Variants in LTA observed in about 807,000 individuals in gnomAD.
The protein encoded by LTA is lymphotoxin-alpha.
LTA carries 6 observed loss-of-function variants against 15.1 expected under a neutral mutation model. The ratio of observed to expected loss-of-function variants is 0.40; its 90% CI spans 0.22 to 0.78. The LOEUF is 0.78. Ranked by LOEUF, LTA falls within the 30% of genes least tolerant of loss-of-function variation. LTA has a pLI of 0.38. For missense variants in LTA, 173 were observed against 249.5 expected (o/e 0.69, Z 2.06); for synonymous variants, 87 against 107.3 (o/e 0.81, Z 1.17).
intron 1 of LTA, 89 bp from the exon 2 acceptor site, chr6:31,572,645 G>GTATCATTAAAAAA: frequency 1.2e-6 from 1 of 845,014 alleles, no homozygotes; most frequent in Non-Finnish European, 1.9e-6. Flanking sequence ...GGGGGTCGGG[G>GTATCATTAAAAAA]GGTGCTCTCT....
In LTA at chr6:31,573,591, G is replaced by A. The variant is rs368380570; in HGVS notation, c.516G>A (p.Ala172=). The change falls in exon 4 of 4, where the codon GCG becomes GCA. Residue 172 remains alanine, a synonymous_variant. Coordinates refer to ENST00000418386, the MANE Select transcript of LTA (RefSeq NM_000595.4). ...PWLHSMYHGA[A]FQLTQGDQLS... ...TGCACTCGATGTACCACGGGGCTGC[G>A]TTCCAGCTCACCCAGGGAGACCAGC... The A allele has an allele frequency of 1.2e-5, 19 of 1,613,990 alleles. No individual in the cohort carries two copies. The highest frequency in any genetic ancestry group is 2.2e-5 in the East Asian group (1 of 44,896).
chr6:31,566,309 A>G, the LTA span, among the ~76,000 whole-genome samples: 2 of 151,846 alleles, frequency 1.3e-5, no homozygotes, highest in Non-Finnish European at 2.9e-5. Context: ...GTGCCATTGC[A>G]CTCCAACCTG....
the LTA span, among the ~76,000 whole-genome samples, chr6:31,562,797 G>T: frequency 0.64 from 93,832 of 146,134 alleles, 30,394 homozygotes; most frequent in African/African-American, 0.74. Flanking sequence ...GAGGCAGAGG[G>T]TGCAGTGAGC....
chr6:31,568,460 C>T (rs1770686026), upstream of LTA, among the ~76,000 whole-genome samples: 1 of 152,048 alleles, frequency 6.6e-6, no homozygotes, highest in African/African-American at 2.4e-5. This position sits in a 1 kb window ranked among gnomAD's most constrained non-coding sequence, Gnocchi z 4.1. Context: ...GTTAGGGTTA[C>T]AGTTGGGGTT....
the LTA span, among the ~76,000 whole-genome samples, chr6:31,566,709 G>A: frequency 3.4e-4 from 51 of 148,920 alleles, no homozygotes; most frequent in African/African-American, 1.1e-3. Flanking sequence ...TTGGGAGGCC[G>A]ACGCAAGTGG....
the LTA span, among the ~76,000 whole-genome samples, chr6:31,562,907 TC>T: frequency 6.9e-6 from 1 of 144,584 alleles, no homozygotes; most frequent in African/African-American, 2.6e-5. Context: ...ACCCTTGTAA[TC>T]CCAGCGCTTT....
chr6:31,572,920 TC>T lies in LTA; in HGVS notation c.100-4del. 1 of 1,611,744 alleles carries T rather than the reference TC, an allele frequency of 6.2e-7. No homozygotes were observed. The highest frequency in any genetic ancestry group is 8.5e-7 in the Non-Finnish European group (1 of 1,179,278). On this transcript the variant is annotated splice_region_variant and splice_polypyrimidine_tract_variant and intron_variant, in intron 2 of 3. Coordinates refer to ENST00000418386, the MANE Select transcript of LTA (RefSeq NM_000595.4). ...CCTAGAGCCCCCCTCAACTCTGTTC[TC>T]CCCTAGGGGCTCCCTGGTGTTGGCC...
intron 2 of LTA, 42 bp from the exon 3 acceptor site, chr6:31,572,886 A>C (rs779086400): frequency 3.7e-6 from 6 of 1,609,504 alleles, no homozygotes; most frequent in Non-Finnish European, 5.1e-6. Flanking sequence ...GCTCAGCCAA[A>C]CCTTGAGCCC....
the LTA span, among the ~76,000 whole-genome samples, chr6:31,561,557 C>G: frequency 0.64 from 97,143 of 151,124 alleles, 31,563 homozygotes; most frequent in African/African-American, 0.74. Context: ...TGGGTGTGGT[C>G]TTGGGCACCT....
upstream of LTA, among the ~76,000 whole-genome samples, chr6:31,571,207 C>T (rs368156545): frequency 5.1e-4 from 78 of 152,020 alleles, no homozygotes; most frequent in Non-Finnish European, 1.0e-3. Context: ...ACTGCAGATG[C>T]GCACCAGCAC....
chr6:31,573,688 C>T lies in LTA; in HGVS notation c.613C>T (p.Leu205=). 2 of 1,613,824 alleles carry T rather than the reference C, an allele frequency of 1.2e-6. No individual in the cohort carries two copies. Among genetic ancestry groups the T allele is most frequent in the Non-Finnish European group, 1.7e-6 (2 of 1,179,842 alleles). The change falls in exon 4 of 4, where the codon CTG becomes TTG. Residue 205 remains leucine (L), a synonymous_variant. Transcript: ENST00000418386. ...TACTGTCTTCTTTGGAGCCTTCGCT[C>T]TGTAGAACTTGGAAAAATCCAGAAA... ...PSTVFFGAFA[L] is the part of the protein sequence containing the mutation.
the LTA span, among the ~76,000 whole-genome samples, chr6:31,566,069 T>A: frequency 4.6e-5 from 7 of 151,646 alleles, no homozygotes. Context: ...TCCCAGCTAC[T>A]CGGGGGGCCG....
At chr6:31,571,462 C>T (rs1770827940), upstream of LTA, among the ~76,000 whole-genome samples, 1 of 152,200 alleles carries the variant, frequency 6.6e-6, no homozygotes, top group Non-Finnish European at 1.5e-5. Flanking sequence ...TAAGCCTCAC[C>T]CATGTGGAAT....
intron 1 of LTA, 93 bp from the exon 2 acceptor site, chr6:31,572,641 C>G: frequency 2.4e-6 from 2 of 830,502 alleles, no homozygotes; most frequent in Non-Finnish European, 4.0e-6. Context: ...TCTCGGGGGT[C>G]GGGGGGTGCT....
intron 1 of LTA, 92 bp from the exon 2 acceptor site, chr6:31,572,642 G>GCCGTATCATTAAAAAAAGAGC: frequency 1.2e-6 from 1 of 828,694 alleles, no homozygotes; most frequent in Non-Finnish European, 2.0e-6. Context: ...CTCGGGGGTC[G>GCCGTATCATTAAAAAAAGAGC]GGGGGTGCTC....
At chr6:31,567,345 C>T (rs541082891), upstream of LTA, among the ~76,000 whole-genome samples, 17 of 152,078 alleles carry the variant, frequency 1.1e-4, no homozygotes, top group East Asian at 3.3e-3. Flanking sequence ...CACTTGAAAC[C>T]AGGAGTTCGA....
chr6:31,565,156 G>A, the LTA span, among the ~76,000 whole-genome samples: 2 of 152,148 alleles, frequency 1.3e-5, no homozygotes, highest in East Asian at 3.9e-4. Context: ...GATGGAGGTC[G>A]AAGAAAGAGC....
intron 3 of LTA, 26 bp from the exon 4 acceptor site, chr6:31,573,255 C>T (rs4647196): frequency 4.1e-4 from 646 of 1,593,794 alleles, no homozygotes; most frequent in Admixed American, 1.2e-3. Flanking sequence ...TGATCTCCCA[C>T]CCCCATCCCC....
chr6:31,569,790 G>C (rs904039251), upstream of LTA, among the ~76,000 whole-genome samples: 2 of 86,160 alleles, frequency 2.3e-5, no homozygotes, highest in Non-Finnish European at 4.5e-5. Flanking sequence ...GTGAGAAACT[G>C]TCTCAAAAAA....
Sources: allele counts gnomAD v4.1 joint callset (sites outside exome capture counted in the v4.1 genomes callset), GRCh38; gene constraint gnomAD v4.1.1; non-coding constraint Gnocchi (gnomAD v3.1); transcripts MANE v1.5; gene names NCBI Gene and HGNC (gene_info 2026-07-23, HGNC 2026-07-21).